VSNL1: variants seen among roughly 807,000 people sequenced by gnomAD.
VSNL1 encodes visinin-like protein 1.
Under a neutral mutation model 20.4 loss-of-function variants are expected in VSNL1, and 6 were observed. The observed-to-expected ratio is 0.29, with a 90% CI of 0.16 to 0.58. VSNL1 has a LOEUF of 0.58. Among genes scored for constraint, VSNL1 ranks in the 20% least tolerant of loss-of-function variants. The pLI, the probability that VSNL1 is intolerant of heterozygous loss-of-function variation, is 0.90. For synonymous variants in VSNL1, 93 were observed against 86.4 expected (o/e 1.08, Z -0.42); for missense variants, 100 against 234.5 (o/e 0.43, Z 3.75).
At chr2:17,564,837 T>C (rs1158704545) in intron 1 of VSNL1, among the ~76,000 whole-genome samples, 2 of 152,242 alleles carry the variant, frequency 1.3e-5, no homozygotes, top group Non-Finnish European at 2.9e-5. Context: ...AGCTTGAAAG[T>C]ATCGCAGATG....
intron 1 of VSNL1, among the ~76,000 whole-genome samples, chr2:17,579,259 G>A (rs572557527): frequency 3.9e-5 from 6 of 152,220 alleles, no homozygotes; most frequent in Non-Finnish European, 5.9e-5. Flanking sequence ...GGGACTACAG[G>A]TGCCCGCCAC....
intron 2 of VSNL1, among the ~76,000 whole-genome samples, chr2:17,647,618 T>A (rs945785583): frequency 6.6e-6 from 1 of 151,802 alleles, no homozygotes; most frequent in Non-Finnish European, 1.5e-5. Flanking sequence ...CATTGGGGGG[T>A]GAGGGGCTGG....
chr2:17,654,068 A>G (rs1399335297), intron 3 of VSNL1, among the ~76,000 whole-genome samples: 1 of 152,212 alleles, frequency 6.6e-6, no homozygotes, highest in Non-Finnish European at 1.5e-5. Flanking sequence ...AAAATAGTAT[A>G]TATTTTTTTA....
At chr2:17,601,177 G>A (rs1664811741) in intron 2 of VSNL1, among the ~76,000 whole-genome samples, 1 of 152,116 alleles carries the variant, frequency 6.6e-6, no homozygotes, top group Non-Finnish European at 1.5e-5. Context: ...GATAAGGTTG[G>A]AAAGAGCCCT....
chr2:17,568,292 G>C (rs1266805524), intron 1 of VSNL1, among the ~76,000 whole-genome samples: 1 of 151,904 alleles, frequency 6.6e-6, no homozygotes, highest in Admixed American at 6.6e-5. Flanking sequence ...TGTTTTGACA[G>C]GGTCTTACTT....
intron 2 of VSNL1, among the ~76,000 whole-genome samples, chr2:17,599,435 T>G (rs572441949): frequency 1.3e-5 from 2 of 152,344 alleles, no homozygotes; most frequent in Non-Finnish European, 2.9e-5. Context: ...GGAGGCCCAC[T>G]GGGTCAAGTA....
At chr2:17,639,106 G>T (rs1310420641) in intron 2 of VSNL1, among the ~76,000 whole-genome samples, 1 of 152,192 alleles carries the variant, frequency 6.6e-6, no homozygotes, top group Non-Finnish European at 1.5e-5. Context: ...GGCTGGTGGG[G>T]TGAAGGGATC....
intron 1 of VSNL1, among the ~76,000 whole-genome samples, chr2:17,556,382 A>G (rs1252358250): frequency 6.6e-6 from 1 of 152,186 alleles, no homozygotes; most frequent in African/African-American, 2.4e-5. Context: ...TTCTTAAATC[A>G]ATTGGATCAT....
intron 2 of VSNL1, among the ~76,000 whole-genome samples, chr2:17,622,740 C>T (rs992774775): frequency 6.6e-6 from 1 of 152,218 alleles, no homozygotes; most frequent in Non-Finnish European, 1.5e-5. Flanking sequence ...ATGGAATTCA[C>T]TGGGTGAAAA....
intron 1 of VSNL1, among the ~76,000 whole-genome samples, chr2:17,560,825 T>C (rs1006833383): frequency 6.6e-6 from 1 of 152,226 alleles, no homozygotes; most frequent in Non-Finnish European, 1.5e-5. Context: ...CTTTAGAAGA[T>C]AGATCTCTGT....
chr2:17,579,005 C>G (rs1664284407), intron 1 of VSNL1, among the ~76,000 whole-genome samples: 1 of 152,246 alleles, frequency 6.6e-6, no homozygotes, highest in Non-Finnish European at 1.5e-5. Context: ...TGTGAATCTT[C>G]TGTTGGCTCC....
intron 2 of VSNL1, among the ~76,000 whole-genome samples, chr2:17,632,535 G>A (rs1014963583): frequency 8.5e-5 from 13 of 152,098 alleles, no homozygotes; most frequent in Admixed American, 3.9e-4. Context: ...TTCTGACCTC[G>A]TGATCTGCCC....
intron 2 of VSNL1, among the ~76,000 whole-genome samples, chr2:17,601,075 A>G (rs1004583367): frequency 2.0e-5 from 3 of 152,206 alleles, no homozygotes; most frequent in African/African-American, 7.2e-5. Context: ...ATGGTAGGGC[A>G]GGTGTCATTT....
chr2:17,551,274 C>T (rs142649526), intron 1 of VSNL1, among the ~76,000 whole-genome samples: 9 of 152,138 alleles, frequency 5.9e-5, no homozygotes, highest in Non-Finnish European at 1.3e-4. Context: ...GCCAGCAGGA[C>T]AAAAGAACGT....
intron 2 of VSNL1, among the ~76,000 whole-genome samples, chr2:17,607,114 G>C (rs1664961411): frequency 6.6e-6 from 1 of 152,256 alleles, no homozygotes; most frequent in African/African-American, 2.4e-5. Flanking sequence ...TTGTGTCAAG[G>C]CCTGTCTTAG....
intron 1 of VSNL1, among the ~76,000 whole-genome samples, chr2:17,585,409 T>C (rs963061279): frequency 6.6e-6 from 1 of 151,752 alleles, no homozygotes; most frequent in Non-Finnish European, 1.5e-5. Context: ...TACAATATGC[T>C]GGGCAATTTT....
intron 2 of VSNL1, among the ~76,000 whole-genome samples, chr2:17,619,467 A>G (rs1665295330): frequency 6.6e-6 from 1 of 152,154 alleles, no homozygotes; most frequent in Non-Finnish European, 1.5e-5. Flanking sequence ...CATATTTTAC[A>G]TGAATATTAA....
chr2:17,584,881 C>T (rs1664434115), intron 1 of VSNL1, among the ~76,000 whole-genome samples: 1 of 152,132 alleles, frequency 6.6e-6, no homozygotes, highest in Non-Finnish European at 1.5e-5. Context: ...GTCCCCTAGC[C>T]TCCTTGGGCC....
intron 2 of VSNL1, among the ~76,000 whole-genome samples, chr2:17,609,908 C>T (rs1474019430): frequency 6.6e-6 from 1 of 152,194 alleles, no homozygotes; most frequent in Non-Finnish European, 1.5e-5. Context: ...TTTCCTGCAC[C>T]CACTCCCCAG....
Sources: gnomAD v4.1 joint callset for allele counts (sites outside exome capture counted in the v4.1 genomes callset) on GRCh38, gnomAD v4.1.1 for gene constraint, MANE v1.5 for transcripts, NCBI Gene and HGNC (gene_info 2026-07-23, HGNC 2026-07-21) for gene names.